Variants in NRXN3 observed in about 807,000 individuals in gnomAD.
The protein encoded by NRXN3 is neurexin 3.
Under a neutral mutation model 137.6 loss-of-function variants are expected in NRXN3, and 32 were observed. The observed-to-expected ratio is 0.23, with a 90% CI of 0.18 to 0.31. The LOEUF is 0.31. Among genes scored for constraint, NRXN3 ranks in the 10% least tolerant of loss-of-function variants. The pLI, the probability that NRXN3 is intolerant of heterozygous loss-of-function variation, is 1.00. For synonymous variants in NRXN3, 798 were observed against 784.5 expected (o/e 1.02, Z -0.29); for missense variants, 1,574 against 2,062.5 (o/e 0.76, Z 4.59).
At chr14:78,910,102 T>C (rs776169823) in intron 10 of NRXN3, among the ~76,000 whole-genome samples, 19 of 152,160 alleles carry the variant, frequency 1.2e-4, no homozygotes, top group Non-Finnish European at 1.8e-4. Flanking sequence ...CTGGTTCTTT[T>C]AGAAATATGT....
intron 15 of NRXN3, among the ~76,000 whole-genome samples, chr14:79,369,311 T>G (rs2153431595): frequency 6.6e-6 from 1 of 152,284 alleles, no homozygotes; most frequent in South Asian, 2.1e-4. Flanking sequence ...CTATTTTGGC[T>G]TCTATGTCAA....
At chr14:79,822,517 G>GA (rs1555769820) in intron 20 of NRXN3, among the ~76,000 whole-genome samples, 1 of 152,000 alleles carries the variant, frequency 6.6e-6, no homozygotes, top group Non-Finnish European at 1.5e-5. Context: ...TTTCTTTGAA[G>GA]TTTTTTTCTC....
chr14:78,179,820 TTTTG>T (rs1446439888), intron 1 of NRXN3, among the ~76,000 whole-genome samples: 15 of 53,138 alleles, frequency 2.8e-4, no homozygotes, highest in Non-Finnish European at 4.6e-4. Context: ...GTTTTTTTTT[TTTTG>T]TTTGTTTCTG....
chr14:79,025,821 G>A (rs1470020096), intron 15 of NRXN3, among the ~76,000 whole-genome samples: 1 of 152,154 alleles, frequency 6.6e-6, no homozygotes, highest in East Asian at 1.9e-4. Context: ...AGAAAAAGTT[G>A]AGAAGTATGC....
At chr14:79,592,491 C>T (rs1040943152) in intron 16 of NRXN3, among the ~76,000 whole-genome samples, 1 of 152,112 alleles carries the variant, frequency 6.6e-6, no homozygotes, top group Admixed American at 6.5e-5. Context: ...CTCAGCACAA[C>T]TACTAAGTTA....
At chr14:79,356,106 A>G (rs2093413043) in intron 15 of NRXN3, among the ~76,000 whole-genome samples, 1 of 152,182 alleles carries the variant, frequency 6.6e-6, no homozygotes, top group South Asian at 2.1e-4. Flanking sequence ...TAGTCTAACA[A>G]TAGAGAAGAA....
At chr14:78,945,146 C>T (rs2099362688) in intron 10 of NRXN3, among the ~76,000 whole-genome samples, 1 of 152,146 alleles carries the variant, frequency 6.6e-6, no homozygotes, top group South Asian at 2.1e-4. Context: ...AACCAGATCG[C>T]TTCCAAACTA....
At chr14:79,795,694 A>G (rs1031987273) in intron 19 of NRXN3, among the ~76,000 whole-genome samples, 2 of 152,130 alleles carry the variant, frequency 1.3e-5, no homozygotes, top group East Asian at 1.9e-4. Flanking sequence ...TTCTAACATT[A>G]TATTACATGG....
At chr14:79,100,959 A>C (rs1283341161) in intron 15 of NRXN3, among the ~76,000 whole-genome samples, 1 of 152,220 alleles carries the variant, frequency 6.6e-6, no homozygotes, top group Non-Finnish European at 1.5e-5. Context: ...TTGAAACAGA[A>C]GCTCTACTAC....
intron 15 of NRXN3, among the ~76,000 whole-genome samples, chr14:79,122,227 G>A (rs1219570313): frequency 6.6e-6 from 1 of 152,192 alleles, no homozygotes. Flanking sequence ...TGGGGCACTG[G>A]TTAAGGAAAC....
At chr14:78,400,202 C>T (rs1187932730) in intron 4 of NRXN3, among the ~76,000 whole-genome samples, 1 of 152,174 alleles carries the variant, frequency 6.6e-6, no homozygotes, top group Non-Finnish European at 1.5e-5. Context: ...AAAAATACAG[C>T]AGTCTCCTAT....
chr14:79,150,487 C>T (rs1466178278), intron 15 of NRXN3, among the ~76,000 whole-genome samples: 1 of 151,794 alleles, frequency 6.6e-6, no homozygotes, highest in African/African-American at 2.4e-5. Flanking sequence ...GTGCATGTTC[C>T]CAAACAGAGA....
chr14:79,782,729 T>C (rs768575313), intron 19 of NRXN3, among the ~76,000 whole-genome samples: 3 of 152,176 alleles, frequency 2.0e-5, no homozygotes, highest in East Asian at 1.9e-4. Flanking sequence ...ATCTAACTTA[T>C]ATGAGTTGAC....
intron 15 of NRXN3, among the ~76,000 whole-genome samples, chr14:79,210,687 C>T (rs190108830): frequency 7.3e-4 from 111 of 152,290 alleles, no homozygotes; most frequent in African/African-American, 2.4e-3. Flanking sequence ...TTTTAATAAA[C>T]GTTCCTGACT....
At chr14:78,760,306 T>G (rs1397772584) in intron 8 of NRXN3, among the ~76,000 whole-genome samples, 1 of 151,164 alleles carries the variant, frequency 6.6e-6, no homozygotes, top group African/African-American at 2.4e-5. Context: ...CCTCCCAAAG[T>G]GCTGGGATTA....
chr14:79,303,446 G>T (rs1434270729), intron 15 of NRXN3, among the ~76,000 whole-genome samples: 29 of 152,030 alleles, frequency 1.9e-4, no homozygotes, highest in Admixed American at 1.9e-3. Context: ...AGGTCAAAGG[G>T]CATGACTAGA....
chr14:78,418,688 A>T (rs2093282737), intron 4 of NRXN3, among the ~76,000 whole-genome samples: 1 of 152,222 alleles, frequency 6.6e-6, no homozygotes, highest in African/African-American at 2.4e-5. Flanking sequence ...TATTCCCGGT[A>T]TATGTCCTAT....
chr14:79,233,666 C>CTGTG (rs143246182), intron 15 of NRXN3, among the ~76,000 whole-genome samples: 9,262 of 145,018 alleles, frequency 0.064, 828 homozygotes, highest in African/African-American at 0.2. Flanking sequence ...AGTATAACTG[C>CTGTG]TGTGTGTGTG....
At chr14:78,220,626 G>A (rs1000840105) in intron 1 of NRXN3, among the ~76,000 whole-genome samples, 1 of 152,122 alleles carries the variant, frequency 6.6e-6, no homozygotes, top group East Asian at 1.9e-4. Flanking sequence ...GAAGAGTCCC[G>A]TTTTCTTTTA....
Sources: allele counts gnomAD v4.1 joint callset (sites outside exome capture counted in the v4.1 genomes callset), GRCh38; gene constraint gnomAD v4.1.1; transcripts MANE v1.5; gene names NCBI Gene and HGNC (gene_info 2026-07-23, HGNC 2026-07-21).